The following NTN1 variants were observed in gnomAD, a reference collection of about 807,000 sequenced individuals.
NTN1 encodes the protein netrin-1.
NTN1 carries 11 observed loss-of-function variants against 54.2 expected under a neutral mutation model. The observed-to-expected ratio is 0.20, with a 90% CI of 0.13 to 0.34. NTN1 has a LOEUF of 0.34. Ranked by LOEUF, NTN1 falls within the 10% of genes least tolerant of loss-of-function variation. NTN1 has a pLI of 1.00. For missense variants in NTN1, 740 were observed against 893.1 expected (o/e 0.83, Z 2.18); for synonymous variants, 371 against 382.0 (o/e 0.97, Z 0.33).
At position 9,240,891 on chromosome 17, in the gene NTN1, C is replaced by T. The variant is rs1906191598; in HGVS notation, c.*923C>T. On this transcript the variant is annotated 3_prime_UTR_variant, in exon 7 of 7. Coordinates refer to ENST00000173229, the MANE Select transcript of NTN1 (RefSeq NM_004822.3). ...AACGCAAAACCTCCCAGAGAGTTTC[C>T]TTTTGGAAACTTGGAACCAGCCCTT... 1 of 152,296 alleles carries T rather than the reference C, an allele frequency of 6.6e-6. No individual in the cohort carries two copies. Among genetic ancestry groups the T allele is most frequent in the African/African-American group, 2.4e-5 (1 of 41,452 alleles). The allele number at this position is 152,296 out of a possible 1,614,324, so 9.4% of individuals were successfully genotyped here. A position where few individuals can be genotyped will look rare whatever the true frequency, so the allele number is the denominator to read the frequency against.
At chr17:9,053,439 A>G (rs2091967337) in intron 2 of NTN1, among the ~76,000 whole-genome samples, 1 of 152,212 alleles carries the variant, frequency 6.6e-6, no homozygotes, top group South Asian at 2.1e-4. Context: ...TAAGAAAATC[A>G]CTGCATTCCC....
At chr17:9,042,098 C>T (rs1357928336) in intron 2 of NTN1, among the ~76,000 whole-genome samples, 1 of 151,934 alleles carries the variant, frequency 6.6e-6, no homozygotes, top group African/African-American at 2.4e-5. Flanking sequence ...TTCCTAGGAC[C>T]CTAGAACCCA....
At chr17:9,194,722 A>G (rs1904576346) in intron 5 of NTN1, among the ~76,000 whole-genome samples, 1 of 152,130 alleles carries the variant, frequency 6.6e-6, no homozygotes, top group South Asian at 2.1e-4. Context: ...ATTTTCTGAC[A>G]TCAGCCCAGG....
At chr17:9,033,838 A>T (rs2091894927) in intron 2 of NTN1, among the ~76,000 whole-genome samples, 1 of 150,840 alleles carries the variant, frequency 6.6e-6, no homozygotes, top group African/African-American at 2.4e-5. Context: ...AATTACTTGA[A>T]TCTGGGAGGC....
chr17:9,154,571 G>A (rs1384880576), intron 2 of NTN1, among the ~76,000 whole-genome samples: 1 of 152,186 alleles, frequency 6.6e-6, no homozygotes, highest in Admixed American at 6.5e-5. Context: ...TGATCCCCAG[G>A]TGTGGGCGGG....
chr17:9,122,939 C>A (rs1042718496), intron 2 of NTN1, among the ~76,000 whole-genome samples: 2 of 152,106 alleles, frequency 1.3e-5, no homozygotes, highest in African/African-American at 4.8e-5. Context: ...GTTAATCAGG[C>A]ATTTAAATTT....
At chr17:9,156,625 G>A (rs1221967256) in intron 2 of NTN1, among the ~76,000 whole-genome samples, 2 of 152,232 alleles carry the variant, frequency 1.3e-5, no homozygotes, top group Non-Finnish European at 2.9e-5. Context: ...AACAATGGAT[G>A]CAGATTCAGT....
intron 2 of NTN1, among the ~76,000 whole-genome samples, chr17:9,087,360 G>A (rs1297196910): frequency 6.6e-6 from 1 of 152,164 alleles, no homozygotes; most frequent in African/African-American, 2.4e-5. Flanking sequence ...AGTGTAAGAG[G>A]TGAGAGATGA....
chr17:9,087,436 G>A (rs1261197226), intron 2 of NTN1, among the ~76,000 whole-genome samples: 4 of 152,196 alleles, frequency 2.6e-5, no homozygotes, highest in South Asian at 2.1e-4. Flanking sequence ...TTTGGACTTC[G>A]TCTTGATGAC....
At chr17:9,008,157 T>C in the NTN1 span, among the ~76,000 whole-genome samples, 2 of 152,218 alleles carry the variant, frequency 1.3e-5, no homozygotes, top group African/African-American at 4.8e-5. Flanking sequence ...CAATACATTA[T>C]TGATGCTCAT....
intron 5 of NTN1, chr17:9,183,744 C>T (rs2092425782): frequency 5.7e-6 from 1 of 174,164 alleles, no homozygotes; most frequent in South Asian, 1.3e-4. Flanking sequence ...CCTTTGTAGA[C>T]CTGTATATTT....
rs1247884605 is a variant in NTN1 at position 9,239,081 on chromosome 17, G to C, written c.1487-559G>C. ...TTAGGCGTGGGAAGCGGCAGTCCAA[G>C]GTTCCCGGGGCTCTGGAAAAGGCAC... On this transcript the variant is annotated intron_variant, in intron 6 of 6. Coordinates refer to ENST00000173229, the MANE Select transcript of NTN1 (RefSeq NM_004822.3). This position sits in a 1 kb window ranked among gnomAD's most constrained non-coding sequence, Gnocchi z 5.2. 6.6e-6 allele frequency among the ~76,000 whole-genome samples: 1 copy of C among 152,212 alleles called. No individual in the cohort carries two copies. The highest frequency in any genetic ancestry group is 1.9e-4 in the East Asian group (1 of 5,198).
At chr17:9,023,505 G>A (rs925872697) in intron 2 of NTN1, 114 bp downstream of exon 2, 2 of 1,220,384 alleles carry the variant, frequency 1.6e-6, no homozygotes, top group Non-Finnish European at 2.1e-6. Flanking sequence ...CGGGAGGCGC[G>A]TTCGCCGATG....
At chr17:9,210,600 T>C (rs1905079545) in intron 5 of NTN1, among the ~76,000 whole-genome samples, 2 of 152,080 alleles carry the variant, frequency 1.3e-5, no homozygotes, top group Non-Finnish European at 2.9e-5. Context: ...AAGTAAATGG[T>C]CCTCATCCTC....
chr17:9,071,712 G>A (rs78195747), intron 2 of NTN1, among the ~76,000 whole-genome samples: 3,137 of 152,234 alleles, frequency 0.021, 42 homozygotes, highest in South Asian at 0.036. Context: ...GGAGGCTGGG[G>A]GTGATGAGCT....
chr17:9,015,355 G>A, the NTN1 span, among the ~76,000 whole-genome samples: 1 of 152,248 alleles, frequency 6.6e-6, no homozygotes, highest in South Asian at 2.1e-4. Context: ...AGGCTGCAAT[G>A]AGCCAAGATC....
intron 5 of NTN1, among the ~76,000 whole-genome samples, chr17:9,201,921 C>T (rs1015458058): frequency 6.6e-6 from 1 of 151,214 alleles, no homozygotes; most frequent in Non-Finnish European, 1.5e-5. Context: ...GGCGTGGTGG[C>T]TCACGCTTGT....
At chr17:9,104,518 T>C (rs1356389742) in intron 2 of NTN1, among the ~76,000 whole-genome samples, 1 of 152,008 alleles carries the variant, frequency 6.6e-6, no homozygotes. Flanking sequence ...GCAGGGGAGC[T>C]GTGAGGGCAG....
chr17:9,207,885 C>T (rs892967615), intron 5 of NTN1, among the ~76,000 whole-genome samples: 2 of 152,238 alleles, frequency 1.3e-5, no homozygotes, highest in African/African-American at 4.8e-5. Flanking sequence ...CACTCAAACC[C>T]TCTCCAGCCC....
Sources: allele counts gnomAD v4.1 joint callset (sites outside exome capture counted in the v4.1 genomes callset), GRCh38; gene constraint gnomAD v4.1.1; non-coding constraint Gnocchi (gnomAD v3.1); transcripts MANE v1.5; gene names NCBI Gene and HGNC (gene_info 2026-07-23, HGNC 2026-07-21).